The following CFAP61 variants were observed in gnomAD, a reference collection of about 807,000 sequenced individuals.
The protein encoded by CFAP61 is cilia and flagella associated protein 61, also known as cilia- and flagella-associated protein 61.
In CFAP61, 107 loss-of-function variants were observed where a neutral mutation model predicts 135.6. That is an observed-to-expected ratio of 0.79 (90% CI 0.67 to 0.93). CFAP61 has a LOEUF of 0.93. Ranked by LOEUF, CFAP61 falls within the 40% of genes least tolerant of loss-of-function variation. The pLI, the probability that CFAP61 is intolerant of heterozygous loss-of-function variation, is 0.00. For synonymous variants in CFAP61, 575 were observed against 578.5 expected, an observed-to-expected ratio of 0.99 and a Z score of 0.09; for missense variants, 1,507 against 1,556.2, an observed-to-expected ratio of 0.97 and a Z score of 0.53.
At chr20:20,188,802 A>G (rs2055698888) in intron 14 of CFAP61, among the ~76,000 whole-genome samples, 1 of 152,242 alleles carries the variant, frequency 6.6e-6, no homozygotes, top group Admixed American at 6.5e-5. Context: ...TGCATACACC[A>G]TGTAACCAGC....
At chr20:20,130,287 T>A (rs952650225) in intron 8 of CFAP61, among the ~76,000 whole-genome samples, 1 of 149,314 alleles carries the variant, frequency 6.7e-6, no homozygotes, top group South Asian at 2.1e-4. Flanking sequence ...AGACTCTGTC[T>A]CAGAAATAAA....
chr20:20,056,744 A>T lies in CFAP61; in HGVS notation c.91A>T (p.Ile31Phe), dbSNP rs2044368220. Reference protein sequence around the residue: ...SQDVYCIKSLIRKFTCKLFGK... With the variant: ...SQDVYCIKSLFRKFTCKLFGK... ...GGATGTTTATTGTATCAAAAGCCTT[A>T]TTAGAAAATTTACCTGCAAGCTGTT... Residue 31 changes from isoleucine to phenylalanine, a missense_variant, in exon 2 of 27, where the codon ATT (isoleucine) becomes TTT (phenylalanine). By Grantham distance (21) the Ile-to-Phe change is conservative. Coordinates refer to ENST00000245957, the MANE Select transcript of CFAP61 (RefSeq NM_015585.4). 1 of 1,614,082 alleles carries T rather than the reference A, an allele frequency of 6.2e-7. No homozygotes were observed.
At chr20:20,061,407 A>G (rs927132192) in intron 2 of CFAP61, among the ~76,000 whole-genome samples, 7 of 152,230 alleles carry the variant, frequency 4.6e-5, no homozygotes, top group Non-Finnish European at 1.0e-4. Context: ...AAACAGTCAT[A>G]TTCTATTTGT....
chr20:20,358,002 G>A (rs1490040570), intron 26 of CFAP61, among the ~76,000 whole-genome samples: 17 of 144,676 alleles, frequency 1.2e-4, no homozygotes, highest in South Asian at 4.6e-4. Flanking sequence ...TGTGAGGGGA[G>A]GTGGTCACAG....
chr20:20,303,599 C>T (rs542138861), intron 25 of CFAP61, among the ~76,000 whole-genome samples: 1 of 152,256 alleles, frequency 6.6e-6, no homozygotes, highest in African/African-American at 2.4e-5. Flanking sequence ...CGCCAGCACT[C>T]CTGCCCTGTC....
intron 24 of CFAP61, among the ~76,000 whole-genome samples, chr20:20,297,671 T>C (rs889700941): frequency 6.6e-6 from 1 of 152,240 alleles, no homozygotes; most frequent in African/African-American, 2.4e-5. Context: ...ACCTTCTTCC[T>C]GGGAACAGAC....
intron 20 of CFAP61, chr20:20,253,574 G>A: frequency 4.1e-6 from 2 of 493,026 alleles, no homozygotes; most frequent in Non-Finnish European, 4.0e-6. Flanking sequence ...TTTTAAGCAT[G>A]TGCAGCAAAC....
Position 20,130,582 on chromosome 20 carries a change from C to CT in CFAP61, c.860-12267dup, listed in dbSNP as rs35844655. Among the ~76,000 whole-genome samples, 618 of 151,762 alleles carry CT rather than the reference C, an allele frequency of 4.1e-3. 10 individuals are homozygous for CT. Among genetic ancestry groups the CT allele is most frequent in the Admixed American group, 0.03 (456 of 15,260 alleles). ...TCTGTGTAATTTACCTGCTGACTTTCTTTTTTTTCCCCCTGCTAGGTAGCT... is the reference window on the plus strand; with the variant it reads ...TCTGTGTAATTTACCTGCTGACTTTCTTTTTTTTTCCCCCTGCTAGGTAGCT... On this transcript the variant is annotated intron_variant, in intron 8 of 26. Coordinates refer to ENST00000245957, the MANE Select transcript of CFAP61 (RefSeq NM_015585.4).
chr20:20,238,354 G>A (rs868210454), intron 18 of CFAP61, among the ~76,000 whole-genome samples: 1 of 152,108 alleles, frequency 6.6e-6, no homozygotes, highest in South Asian at 2.1e-4. Flanking sequence ...TATCTATCAC[G>A]AGCTAGGATT....
intron 10 of CFAP61, among the ~76,000 whole-genome samples, chr20:20,160,977 T>C (rs2053350040): frequency 6.6e-6 from 1 of 152,184 alleles, no homozygotes; most frequent in South Asian, 2.1e-4. Context: ...CACCCACATC[T>C]TGAAACACCC....
intron 21 of CFAP61, among the ~76,000 whole-genome samples, chr20:20,275,687 T>A (rs2053699156): frequency 6.6e-6 from 1 of 152,194 alleles, no homozygotes; most frequent in South Asian, 2.1e-4. Flanking sequence ...CACACTTAAA[T>A]TCGTTCAACT....
chr20:20,073,160 T>C (rs1467201285), intron 3 of CFAP61, among the ~76,000 whole-genome samples: 1 of 152,258 alleles, frequency 6.6e-6, no homozygotes, highest in Non-Finnish European at 1.5e-5. Context: ...ATAAGCCATA[T>C]GCTCCTGAGG....
rs6046725 is a variant in CFAP61 at position 20,203,530 on chromosome 20, T to C, written c.1932+3628T>C. Among the ~76,000 whole-genome samples the C allele has an allele frequency of 5.4e-3, 828 of 152,284 alleles. 10 individuals carry two copies. Among genetic ancestry groups the C allele is most frequent in the African/African-American group, 0.018 (740 of 41,554 alleles). On this transcript the variant is annotated intron_variant, in intron 17 of 26. Transcript: ENST00000245957. ...TAGGTATCGATGTTTATAGGGTACA[T>C]GAGATATTTTGATACAGGCATGCAA...
intron 13 of CFAP61, among the ~76,000 whole-genome samples, chr20:20,183,010 C>T (rs1469295430): frequency 6.6e-6 from 1 of 152,192 alleles, no homozygotes; most frequent in Non-Finnish European, 1.5e-5. Context: ...ACATCTCATT[C>T]TAGTTAAAGC....
intron 8 of CFAP61, among the ~76,000 whole-genome samples, chr20:20,137,479 T>C (rs2051025063): frequency 6.6e-6 from 1 of 152,166 alleles, no homozygotes; most frequent in Admixed American, 6.5e-5. Context: ...TACTTTCCGC[T>C]CTTCCCTCCG....
In CFAP61 at chr20:20,288,984, T is replaced by C. The variant is rs2054802673; in HGVS notation, c.3124+48T>C. 5 of 1,503,692 alleles carry C rather than the reference T, an allele frequency of 3.3e-6. No individual in the cohort carries two copies. The East Asian group carries it at 9.3e-5, about 28-fold the overall frequency. 93.1% of individuals were successfully genotyped at this position (1,503,692 alleles called of 1,614,324 possible). ...CCTTGATGAAGCCACAGATTAGGTA[T>C]GGCTCAGCAGTCAGGCCAGTCCTCC... On this transcript the variant is annotated intron_variant, in intron 23 of 26. Transcript: ENST00000245957.
chr20:20,190,986 G>A (rs2055879581), intron 14 of CFAP61, among the ~76,000 whole-genome samples: 1 of 152,002 alleles, frequency 6.6e-6, no homozygotes, highest in South Asian at 2.1e-4. Flanking sequence ...GAGCATGATG[G>A]GGCACGCCTG....
chr20:20,238,042 A>T (rs890949110), intron 18 of CFAP61, among the ~76,000 whole-genome samples: 10 of 152,366 alleles, frequency 6.6e-5, no homozygotes, highest in South Asian at 2.1e-4. Context: ...AAATTTTTTT[A>T]AAATAAACAA....
chr20:20,305,185 A>G (rs2056397660), intron 25 of CFAP61, among the ~76,000 whole-genome samples: 1 of 152,216 alleles, frequency 6.6e-6, no homozygotes, highest in African/African-American at 2.4e-5. Flanking sequence ...TGCTGTGCAC[A>G]GTGTTCTAAA....
Sources: gnomAD v4.1 joint callset for allele counts (sites outside exome capture counted in the v4.1 genomes callset) on GRCh38, gnomAD v4.1.1 for gene constraint, MANE v1.5 for transcripts, NCBI Gene and HGNC (gene_info 2026-07-23, HGNC 2026-07-21) for gene names.